Variants in MCPH1 observed in about 807,000 individuals in gnomAD.
MCPH1 encodes microcephalin 1.
Under a neutral mutation model 84.5 loss-of-function variants are expected in MCPH1, and 104 were observed. The ratio of observed to expected loss-of-function variants is 1.23; its 90% confidence interval spans 1.05 to 1.45. MCPH1 has a LOEUF of 1.45. Ranked by LOEUF, MCPH1 falls within the 40% of genes most tolerant of loss-of-function variation. The pLI is 0.00. For missense variants in MCPH1, 1,498 were observed against 1,005.7 expected, an observed-to-expected ratio of 1.49 and a Z score of -6.62; for synonymous variants, 514 against 366.8, an observed-to-expected ratio of 1.40 and a Z score of -4.58.
intron 12 of MCPH1, among the ~76,000 whole-genome samples, chr8:6,558,358 C>A (rs1824985977): frequency 6.6e-6 from 1 of 152,112 alleles, no homozygotes; most frequent in Non-Finnish European, 1.5e-5. Context: ...ACTTTCATAA[C>A]ATTTTTGTTT....
chr8:6,407,103 T>G, intron 1 of MCPH1: 1 of 296,824 alleles, frequency 3.4e-6, no homozygotes. Context: ...CCTGCTGCCT[T>G]AGTCCCTGGA....
At chr8:6,548,214 G>A (rs1822960762) in intron 12 of MCPH1, among the ~76,000 whole-genome samples, 1 of 152,132 alleles carries the variant, frequency 6.6e-6, no homozygotes, top group South Asian at 2.1e-4. Flanking sequence ...GAAGGCCAAA[G>A]TTAGAACCTA....
intron 12 of MCPH1, among the ~76,000 whole-genome samples, chr8:6,540,705 C>T (rs1330434868): frequency 6.6e-6 from 1 of 152,282 alleles, no homozygotes; most frequent in African/African-American, 2.4e-5. Flanking sequence ...ACCAGATTCT[C>T]ACACTGCCTT....
chr8:6,610,174 C>T (rs1282492053), intron 12 of MCPH1, among the ~76,000 whole-genome samples: 1 of 152,186 alleles, frequency 6.6e-6, no homozygotes, highest in African/African-American at 2.4e-5. Context: ...AATGCTCATG[C>T]TTCTGGTTCT....
At chr8:6,454,494 C>T (rs1805465276) in intron 8 of MCPH1, among the ~76,000 whole-genome samples, 1 of 152,164 alleles carries the variant, frequency 6.6e-6, no homozygotes, top group Admixed American at 6.5e-5. Context: ...GAGTAAGAGG[C>T]ACCCTCTGAG....
intron 3 of MCPH1, among the ~76,000 whole-genome samples, chr8:6,428,100 T>A (rs2515565): frequency 0.68 from 102,715 of 151,990 alleles, 38,886 homozygotes; most frequent in Non-Finnish European, 0.83. Context: ...ATTTTTTTTT[T>A]ATTTGGCCTT....
intron 1 of MCPH1, 103 bp from the exon 2 acceptor site, chr8:6,409,176 G>A (rs983036454): frequency 4.1e-6 from 4 of 975,456 alleles, no homozygotes; most frequent in Middle Eastern, 2.2e-4. Flanking sequence ...GTGAGCCACT[G>A]TGCCGGCCTC....
chr8:6,467,241 C>T (rs1050716073), intron 9 of MCPH1, among the ~76,000 whole-genome samples: 1 of 152,160 alleles, frequency 6.6e-6, no homozygotes, highest in African/African-American at 2.4e-5. Flanking sequence ...GACTGTCAAA[C>T]CAGTGACTGG....
chr8:6,595,029 C>A (rs1403406659), intron 12 of MCPH1, among the ~76,000 whole-genome samples: 2 of 152,170 alleles, frequency 1.3e-5, no homozygotes, highest in African/African-American at 2.4e-5. Context: ...ATATAGTTGT[C>A]AAAGACAGGC....
intron 9 of MCPH1, among the ~76,000 whole-genome samples, chr8:6,460,518 T>C (rs2129557359): frequency 6.6e-6 from 1 of 152,248 alleles, no homozygotes; most frequent in East Asian, 1.9e-4. Flanking sequence ...GCCCTCTATT[T>C]GATTTATAAA....
At chr8:6,632,744 G>T (rs1014085317) in intron 13 of MCPH1, among the ~76,000 whole-genome samples, 1 of 152,100 alleles carries the variant, frequency 6.6e-6, no homozygotes, top group African/African-American at 2.4e-5. Flanking sequence ...GGGAGAAAGA[G>T]GTTGCAGTGA....
At chr8:6,561,990 CG>C (rs1825613343) in intron 12 of MCPH1, among the ~76,000 whole-genome samples, 2 of 152,164 alleles carry the variant, frequency 1.3e-5, no homozygotes, top group Non-Finnish European at 2.9e-5. Flanking sequence ...CTGGAACTGA[CG>C]GGGGCTGCAG....
At chr8:6,547,885 ATTTTTTT>A (rs78972556) in intron 12 of MCPH1, among the ~76,000 whole-genome samples, 2 of 119,068 alleles carry the variant, frequency 1.7e-5, no homozygotes, top group African/African-American at 6.0e-5. Context: ...TCTTACCCCC[ATTTTTTT>A]TTTTTTTTTT....
rs562493507 is a variant in MCPH1 at position 6,646,820 on chromosome 8, T to G, written c.*3771T>G. The G allele has an allele frequency of 1.3e-4, 20 of 152,254 alleles. 2 individuals are homozygous for G. In the South Asian group the frequency reaches 4.1e-3, roughly 32 times the overall value. The allele number at this position is 152,254 out of a possible 1,614,324, so 9.4% of individuals were successfully genotyped here. On this transcript the variant is annotated 3_prime_UTR_variant, in exon 14 of 14. Transcript: ENST00000344683. Reference sequence around the variant, plus strand: ...CCCTGGAGAGCAAAACTGTTTCCAGTTGAGAACCATTGACCTAATGTAAAA... The same window carrying G: ...CCCTGGAGAGCAAAACTGTTTCCAGGTGAGAACCATTGACCTAATGTAAAA...
chr8:6,625,274 C>G, intron 13 of MCPH1: 6 of 985,468 alleles, frequency 6.1e-6, no homozygotes, highest in Non-Finnish European at 7.2e-6. Flanking sequence ...GGAGGAAACA[C>G]AGAGAGCGCA....
At position 6,459,369 on chromosome 8, in the gene MCPH1, G is replaced by A. The variant is rs551095708; in HGVS notation, c.1935+4117G>A. On this transcript the variant is annotated intron_variant, in intron 9 of 13. Coordinates refer to ENST00000344683, the MANE Select transcript of MCPH1 (RefSeq NM_024596.5). ...TGGCTCACTGCAACCTCTGCCTCCC[G>A]GGTTCAAGCGATTCTGCTGCCTCAG... Among the ~76,000 whole-genome samples, 24 of 152,154 alleles carry A rather than the reference G, an allele frequency of 1.6e-4. No homozygotes were observed. The East Asian group carries it at 4.3e-3, about 27-fold the overall frequency.
intron 3 of MCPH1, among the ~76,000 whole-genome samples, chr8:6,417,496 CCTT>C (rs1473349460): frequency 7.2e-5 from 11 of 152,266 alleles, no homozygotes; most frequent in East Asian, 3.9e-4. Flanking sequence ...ATAGTGCTCT[CCTT>C]CTTCTTCATT....
intron 12 of MCPH1, among the ~76,000 whole-genome samples, chr8:6,540,014 T>G (rs955634814): frequency 6.6e-6 from 1 of 152,150 alleles, no homozygotes; most frequent in African/African-American, 2.4e-5. Context: ...TATTAGGAAA[T>G]AAGTTTGTGG....
chr8:6,438,696 T>A (rs1803031943), intron 5 of MCPH1, among the ~76,000 whole-genome samples: 1 of 152,228 alleles, frequency 6.6e-6, no homozygotes, highest in South Asian at 2.1e-4. Flanking sequence ...GATTTGAGGT[T>A]GGATGCACTA....
Sources: allele counts gnomAD v4.1 joint callset (sites outside exome capture counted in the v4.1 genomes callset), GRCh38; gene constraint gnomAD v4.1.1; transcripts MANE v1.5; gene names NCBI Gene and HGNC (gene_info 2026-07-23, HGNC 2026-07-21).